ATP8A1: variants seen among roughly 807,000 people sequenced by gnomAD.
ATP8A1 encodes ATPase phospholipid transporting 8A1.
A neutral mutation model predicts 177.7 loss-of-function variants in ATP8A1; 90 were observed. That is an observed-to-expected ratio of 0.51 (90% confidence interval 0.43 to 0.60). The LOEUF (loss-of-function observed/expected upper bound fraction) is 0.60, where lower values mean the gene tolerates loss of function less well. Ranked by LOEUF, ATP8A1 falls within the 20% of genes least tolerant of loss-of-function variation. The pLI, the probability that ATP8A1 is intolerant of heterozygous loss-of-function variation, is 0.00. For synonymous variants in ATP8A1, 493 were observed against 485.9 expected, an observed-to-expected ratio of 1.01 and a Z score of -0.19; for missense variants, 1,072 against 1,392.8, an observed-to-expected ratio of 0.77 and a Z score of 3.67.
intron 6 of ATP8A1, among the ~76,000 whole-genome samples, chr4:42,592,226 T>C (rs1734253372): frequency 6.6e-6 from 1 of 152,152 alleles, no homozygotes; most frequent in African/African-American, 2.4e-5. Flanking sequence ...TGGAGGAAGT[T>C]AATCGCTGTG....
intron 20 of ATP8A1, among the ~76,000 whole-genome samples, chr4:42,529,375 A>G (rs1727024162): frequency 6.6e-6 from 1 of 152,180 alleles, no homozygotes; most frequent in African/African-American, 2.4e-5. Flanking sequence ...TGGAAACTGA[A>G]CATTTGACCA....
rs931453280 is a variant in ATP8A1 at position 42,514,526 on chromosome 4, T to C, written c.1948-7372A>G. 2.0e-5 allele frequency among the ~76,000 whole-genome samples: 3 copies of C among 152,304 alleles called. No homozygotes were observed. In the East Asian group the frequency reaches 5.8e-4, roughly 29 times the overall value. On this transcript the variant is annotated intron_variant, in intron 22 of 36. Coordinates refer to ENST00000381668, the MANE Select transcript of ATP8A1 (RefSeq NM_006095.2). ...TGTTTTCAAGGAAAATGGAATACAGTACATAGAGTACATAGAGGCTGCCTC... is the reference window on the plus strand; with the variant it reads ...TGTTTTCAAGGAAAATGGAATACAGCACATAGAGTACATAGAGGCTGCCTC...
Position 42,455,514 on chromosome 4 carries a change from C to A in ATP8A1, c.2694+11G>T. On this transcript the variant is annotated intron_variant, in intron 28 of 36. Coordinates refer to ENST00000381668, the MANE Select transcript of ATP8A1 (RefSeq NM_006095.2). ...CAATGAAACAGGAATTATCAAATGT[C>A]CTAAACTTACCACGTTATAGAGACC... 1 of 1,613,532 alleles carries A rather than the reference C, an allele frequency of 6.2e-7. No homozygotes were observed. Among genetic ancestry groups the A allele is most frequent in the South Asian group, 1.1e-5 (1 of 90,990 alleles).
Position 42,409,488 on chromosome 4 carries a change from T to G in ATP8A1, c.*3428A>C, listed in dbSNP as rs182169139. 5.3e-5 allele frequency: 8 copies of G among 152,274 alleles called. No homozygotes were observed. The highest frequency in any genetic ancestry group is 5.2e-4 in the Admixed American group (8 of 15,298). 9.4% of individuals were successfully genotyped at this position (152,274 alleles called of 1,614,324 possible). A position where few individuals can be genotyped will look rare whatever the true frequency, so the allele number is the denominator to read the frequency against. On this transcript the variant is annotated 3_prime_UTR_variant, in exon 37 of 37. Transcript: ENST00000381668. ...AGGCACTGAACTGCATGATGTTACC[T>G]TAAGTCATTTACAAAAGAATTCCTG...
intron 25 of ATP8A1, among the ~76,000 whole-genome samples, chr4:42,475,277 T>C (rs1220377755): frequency 6.6e-6 from 1 of 152,148 alleles, no homozygotes; most frequent in Non-Finnish European, 1.5e-5. Context: ...GTGATCCTCC[T>C]GTCTCAGGAC....
intron 25 of ATP8A1, among the ~76,000 whole-genome samples, chr4:42,477,924 G>A (rs1000972749): frequency 1.1e-4 from 16 of 151,882 alleles, no homozygotes; most frequent in African/African-American, 3.1e-4. Flanking sequence ...TCGAAGCTTC[G>A]GTGAGCTAAG....
intron 31 of ATP8A1, among the ~76,000 whole-genome samples, chr4:42,445,507 G>A (rs568380608): frequency 5.3e-5 from 8 of 152,036 alleles, no homozygotes; most frequent in Admixed American, 2.0e-4. Flanking sequence ...ATTGTTAGTC[G>A]TCAAGGAAAC....
intron 4 of ATP8A1, among the ~76,000 whole-genome samples, chr4:42,621,803 G>A (rs1737485412): frequency 6.6e-6 from 1 of 152,090 alleles, no homozygotes; most frequent in South Asian, 2.1e-4. Context: ...AAAGCTGGAG[G>A]TATCAATTAT....
At chr4:42,429,913 T>A (rs1189587468) in intron 33 of ATP8A1, among the ~76,000 whole-genome samples, 1 of 152,182 alleles carries the variant, frequency 6.6e-6, no homozygotes, top group African/African-American at 2.4e-5. Context: ...ATGCAGTGCC[T>A]GGAATAGTCA....
chr4:42,609,886 A>C (rs1300658077), intron 5 of ATP8A1, among the ~76,000 whole-genome samples: 1 of 152,160 alleles, frequency 6.6e-6, no homozygotes, highest in Non-Finnish European at 1.5e-5. Flanking sequence ...CCTGGTTTTC[A>C]AAAGACTCCG....
At chr4:42,557,652 A>G (rs1730380435) in intron 15 of ATP8A1, among the ~76,000 whole-genome samples, 1 of 152,188 alleles carries the variant, frequency 6.6e-6, no homozygotes, top group African/African-American at 2.4e-5. Context: ...TTACATGGAC[A>G]TACCCCATTT....
rs541065822 is a variant in ATP8A1, at chr4:42,555,209, T to G, written c.1413+759A>C. On this transcript the variant is annotated intron_variant, in intron 16 of 36. Transcript: ENST00000381668. ...ATCTATCTATCTATCCTATTAGTTC[T>G]GCCCCCCCCTAGAGAACCCTAATAC... Among the ~76,000 whole-genome samples, 20 of 114,320 alleles carry G rather than the reference T, an allele frequency of 1.7e-4. No individual in the cohort carries two copies. In the South Asian group the frequency reaches 4.3e-3, roughly 25 times the overall value. The allele number at this position is 114,320 out of a possible 152,430, so 75.0% of individuals were successfully genotyped here.
intron 25 of ATP8A1, among the ~76,000 whole-genome samples, chr4:42,466,320 A>C (rs138396119): frequency 9.9e-5 from 15 of 152,220 alleles, no homozygotes; most frequent in Non-Finnish European, 1.5e-4. Flanking sequence ...ACATCTGAAA[A>C]ATCATTTACT....
intron 6 of ATP8A1, among the ~76,000 whole-genome samples, chr4:42,597,023 A>G (rs1445475432): frequency 1.3e-5 from 2 of 152,204 alleles, no homozygotes; most frequent in African/African-American, 4.8e-5. Context: ...CTTTTGCAAC[A>G]GGGAAAAGGT....
rs954390730 is a variant in ATP8A1 at position 42,409,494 on chromosome 4, C to T, written c.*3422G>A. ...TGAACTGCATGATGTTACCTTAAGT[C>T]ATTTACAAAAGAATTCCTGGTCCAT... On this transcript the variant is annotated 3_prime_UTR_variant, in exon 37 of 37. Transcript: ENST00000381668. The T allele has an allele frequency of 4.6e-5, 7 of 152,076 alleles. No individual in the cohort carries two copies. Among genetic ancestry groups the T allele is most frequent in the Non-Finnish European group, 1.0e-4 (7 of 67,986 alleles). 9.4% of individuals were successfully genotyped at this position (152,076 alleles called of 1,614,324 possible).
chr4:42,645,527 G>A (rs1462176998), intron 1 of ATP8A1, among the ~76,000 whole-genome samples: 1 of 152,136 alleles, frequency 6.6e-6, no homozygotes, highest in Non-Finnish European at 1.5e-5. Context: ...TATCCCTATA[G>A]AACAGACCAA....
chr4:42,592,625 A>G (rs1180405232), intron 6 of ATP8A1, among the ~76,000 whole-genome samples: 1 of 152,124 alleles, frequency 6.6e-6, no homozygotes, highest in Non-Finnish European at 1.5e-5. Flanking sequence ...TCACGTGACA[A>G]TGACAGGTGT....
intron 22 of ATP8A1, among the ~76,000 whole-genome samples, chr4:42,511,386 G>A (rs1161716704): frequency 6.6e-6 from 1 of 152,020 alleles, no homozygotes; most frequent in Non-Finnish European, 1.5e-5. Flanking sequence ...TACATATTCA[G>A]CAAGTGTTGA....
Position 42,488,526 on chromosome 4 carries a change from A to T in ATP8A1, c.2152-2858T>A, listed in dbSNP as rs9291217. 4.3e-4 allele frequency among the ~76,000 whole-genome samples: 66 copies of T among 152,248 alleles called. 1 individual carries two copies. The highest frequency in any genetic ancestry group is 5.9e-4 in the Non-Finnish European group (40 of 68,022). ...ATCTGTCTCTCATCTTGTCTTTACCACCAACAGAGACATCTCTTTATAAAA... is the reference window on the plus strand; with the variant it reads ...ATCTGTCTCTCATCTTGTCTTTACCTCCAACAGAGACATCTCTTTATAAAA... On this transcript the variant is annotated intron_variant, in intron 24 of 36. Coordinates refer to ENST00000381668, the MANE Select transcript of ATP8A1 (RefSeq NM_006095.2).
Sources: allele counts gnomAD v4.1 joint callset (sites outside exome capture counted in the v4.1 genomes callset), GRCh38; gene constraint gnomAD v4.1.1; transcripts MANE v1.5; gene names NCBI Gene and HGNC (gene_info 2026-07-23, HGNC 2026-07-21).